The following ZSCAN32 variants were observed in gnomAD, a reference collection of about 807,000 sequenced individuals.
ZSCAN32 encodes zinc finger and SCAN domain-containing protein 32.
In ZSCAN32, 52 loss-of-function variants were observed where a neutral mutation model predicts 47.4. That is an observed-to-expected ratio of 1.10 (90% CI 0.88 to 1.38). ZSCAN32 has a LOEUF of 1.38. Ranked by LOEUF, ZSCAN32 falls within the 40% of genes most tolerant of loss-of-function variation. The pLI, the probability that ZSCAN32 is intolerant of heterozygous loss-of-function variation, is 0.00. For missense variants in ZSCAN32, 959 were observed against 846.0 expected, an observed-to-expected ratio of 1.13 and a Z score of -1.66; for synonymous variants, 346 against 305.7, an observed-to-expected ratio of 1.13 and a Z score of -1.38.
chr16:3,384,626 T>C lies in ZSCAN32; in HGVS notation c.1067A>G (p.Gln356Arg). 6.2e-7 allele frequency: 1 copy of C among 1,614,148 alleles called. No individual in the cohort carries two copies. ...PPMASDAVPGQEGSDIEAGEL... is the reference protein window; with the variant it reads ...PPMASDAVPGREGSDIEAGEL... The stretch of plus-strand genomic sequence containing the variant: ...TCCAGCCTCAATATCACTTCCTTCT[T>C]GGCCAGGAACAGCATCGCTTGCCAT... Residue 356 changes from glutamine (Q) to arginine (R), a missense_variant, in exon 6 of 7, where the codon CAA (glutamine) becomes CGA (arginine). By Grantham distance (43) the Gln-to-Arg change is conservative. Coordinates refer to ENST00000396852, the MANE Select transcript of ZSCAN32 (RefSeq NM_001284527.2).
chr16:3,390,276 C>T, intron 4 of ZSCAN32, 143 bp from the exon 5 acceptor site: 3 of 1,394,724 alleles, frequency 2.2e-6, no homozygotes, highest in East Asian at 2.5e-5. Flanking sequence ...GGTTCTGAGC[C>T]ATGTGATGAT....
rs376012544 is a variant in ZSCAN32 at position 3,390,101 on chromosome 16, G to T, written c.660C>A (p.Ser220=). The part of the protein sequence containing the change: ...GPAMRDNRAV[S]LCQQEWMCPG... Reference sequence around the variant, plus strand: ...GGCACATCCATTCTTGCTGACAGAGGGATACAGCTCTGTTGTCACGCATGG... The same window carrying T: ...GGCACATCCATTCTTGCTGACAGAGTGATACAGCTCTGTTGTCACGCATGG... The change falls in exon 5 of 7, where the codon TCC becomes TCA. Residue 220 remains serine, a synonymous_variant. Coordinates refer to ENST00000396852, the MANE Select transcript of ZSCAN32 (RefSeq NM_001284527.2). 169 of 1,613,574 alleles carry T rather than the reference G, an allele frequency of 1.0e-4. 1 individual carries two copies. The highest frequency in any genetic ancestry group is 1.3e-4 in the Non-Finnish European group (157 of 1,179,824).
intron 5 of ZSCAN32, among the ~76,000 whole-genome samples, chr16:3,389,342 C>T (rs773243581): frequency 6.6e-6 from 1 of 152,216 alleles, no homozygotes; most frequent in African/African-American, 2.4e-5. Flanking sequence ...CCCTCCCACC[C>T]TGGGCTTAGC....
In ZSCAN32 at chr16:3,382,260, C is replaced by G. The variant is rs2031310806; in HGVS notation, c.*592G>C. ...AGGAGAAATCTTACAAAAAATTAAC[C>G]TGGATGTTGTGCTTGCTCTAAGGTT... is the stretch of plus-strand genomic sequence containing the variant. On this transcript the variant is annotated 3_prime_UTR_variant, in exon 7 of 7. Coordinates refer to ENST00000396852, the MANE Select transcript of ZSCAN32 (RefSeq NM_001284527.2). 1 of 152,036 alleles carries G rather than the reference C, an allele frequency of 6.6e-6. No homozygotes were observed. Among genetic ancestry groups the G allele is most frequent in the African/African-American group, 2.4e-5 (1 of 41,384 alleles). 9.4% of individuals were successfully genotyped at this position (152,036 alleles called of 1,614,324 possible).
At chr16:3,387,394 A>G (rs899293141) in intron 5 of ZSCAN32, among the ~76,000 whole-genome samples, 2 of 152,196 alleles carry the variant, frequency 1.3e-5, no homozygotes, top group Non-Finnish European at 2.9e-5. Context: ...TCATCCTTGT[A>G]GATACAGGAA....
intron 1 of ZSCAN32, among the ~76,000 whole-genome samples, chr16:3,400,329 C>G (rs2150916641): frequency 6.6e-6 from 1 of 152,296 alleles, no homozygotes; most frequent in East Asian, 1.9e-4. Context: ...TCCTAGGCAG[C>G]AAGGCCAGGA....
At chr16:3,399,996 G>A (rs962156504) in intron 1 of ZSCAN32, among the ~76,000 whole-genome samples, 4 of 152,194 alleles carry the variant, frequency 2.6e-5, no homozygotes, top group African/African-American at 9.7e-5. Context: ...TCCAGGGGCT[G>A]ATACACCCTC....
At chr16:3,394,851 C>G (rs2033215482) in intron 2 of ZSCAN32, among the ~76,000 whole-genome samples, 1 of 152,142 alleles carries the variant, frequency 6.6e-6, no homozygotes, top group Admixed American at 6.6e-5. Context: ...TGCCCTCTGT[C>G]TGGAGTACTC....
chr16:3,385,681 C>T (rs2031889499), intron 5 of ZSCAN32, among the ~76,000 whole-genome samples: 1 of 152,148 alleles, frequency 6.6e-6, no homozygotes, highest in Non-Finnish European at 1.5e-5. Context: ...CTGACAAAAA[C>T]AAGCAATGGG....
chr16:3,390,571 G>T, intron 3 of ZSCAN32, 54 bp from the exon 4 acceptor site: 1 of 1,420,588 alleles, frequency 7.0e-7, no homozygotes, highest in Non-Finnish European at 9.6e-7. Context: ...ACAGCACAGA[G>T]CAGAAGCTCT....
chr16:3,387,580 T>C (rs1292183066), intron 5 of ZSCAN32, among the ~76,000 whole-genome samples: 1 of 152,240 alleles, frequency 6.6e-6, no homozygotes, highest in Non-Finnish European at 1.5e-5. Context: ...TTCCAACATC[T>C]GGTCATGATG....
intron 5 of ZSCAN32, among the ~76,000 whole-genome samples, chr16:3,385,383 G>C (rs1357308933): frequency 6.6e-6 from 1 of 152,104 alleles, no homozygotes; most frequent in African/African-American, 2.4e-5. Flanking sequence ...GTAATTTATA[G>C]ATTCAATGCC....
At chr16:3,398,063 C>T (rs1329955235) in intron 1 of ZSCAN32, among the ~76,000 whole-genome samples, 2 of 152,142 alleles carry the variant, frequency 1.3e-5, no homozygotes, top group East Asian at 3.8e-4. Flanking sequence ...TGATAATAAC[C>T]CTTCCCAAAA....
Position 3,383,519 on chromosome 16 carries a change from G to A in ZSCAN32, c.1427C>T (p.Thr476Ile). 2 of 1,613,984 alleles carry A rather than the reference G, an allele frequency of 1.2e-6. No individual in the cohort carries two copies. The highest frequency in any genetic ancestry group is 1.1e-5 in the South Asian group (1 of 91,076). The change falls in exon 7 of 7, where the codon ACC (threonine) becomes ATC (isoleucine). Residue 476 changes from threonine (T) to isoleucine (I), a missense_variant. Physicochemically the swap from Thr to Ile is moderately conservative, Grantham distance 89 (BLOSUM62 -1). Coordinates refer to ENST00000396852, the MANE Select transcript of ZSCAN32 (RefSeq NM_001284527.2). ...RNSPGESEEK[T>I]PSQEKMSHQS... Reference sequence around the variant, plus strand: ...GTGACTCATCTTCTCCTGGGATGGGGTTTTCTCCTCACTCTCCCCTGGAGA... The same window carrying A: ...GTGACTCATCTTCTCCTGGGATGGGATTTTCTCCTCACTCTCCCCTGGAGA...
intron 5 of ZSCAN32, among the ~76,000 whole-genome samples, chr16:3,387,001 T>C (rs2032088297): frequency 6.6e-6 from 1 of 152,156 alleles, no homozygotes; most frequent in Non-Finnish European, 1.5e-5. Context: ...TGGCTATTGT[T>C]ATTTCTAGGA....
intron 5 of ZSCAN32, among the ~76,000 whole-genome samples, chr16:3,388,939 A>G (rs1171401029): frequency 6.6e-6 from 1 of 152,122 alleles, no homozygotes; most frequent in Non-Finnish European, 1.5e-5. Flanking sequence ...ATTATACAAC[A>G]CTCTGAAAGT....
rs780238464 is a variant in ZSCAN32, at chr16:3,392,709, C to G, written c.532+940G>C. 7.6e-4 allele frequency among the ~76,000 whole-genome samples: 115 copies of G among 152,062 alleles called. 2 individuals carry two copies. The highest frequency in any genetic ancestry group is 4.1e-3 in the Admixed American group (62 of 15,256). ...GGGCATGGTGGCGGGTGCTTTAGTCCCAGCTACTTGGGAGGCTGAGGCAGG... is the reference window on the plus strand; with the variant it reads ...GGGCATGGTGGCGGGTGCTTTAGTCGCAGCTACTTGGGAGGCTGAGGCAGG... On this transcript the variant is annotated intron_variant, in intron 3 of 6. Transcript: ENST00000396852.
intron 6 of ZSCAN32, 168 bp downstream of exon 6, chr16:3,384,291 T>C: frequency 2.2e-6 from 2 of 918,814 alleles, no homozygotes; most frequent in South Asian, 1.7e-5. Flanking sequence ...GGCTGTAAAA[T>C]GCAAGGGGAA....
intron 2 of ZSCAN32, 72 bp downstream of exon 2, chr16:3,397,120 C>T (rs144239726): frequency 8.2e-6 from 12 of 1,460,800 alleles, no homozygotes; most frequent in Non-Finnish European, 1.1e-5. Context: ...CTCAACCAAG[C>T]ACCTCTCCAG....
Sources: gnomAD v4.1 joint callset for allele counts (sites outside exome capture counted in the v4.1 genomes callset) on GRCh38, gnomAD v4.1.1 for gene constraint, MANE v1.5 for transcripts, NCBI Gene and HGNC (gene_info 2026-07-23, HGNC 2026-07-21) for gene names.